Variants in TSPEAR observed in about 807,000 individuals in gnomAD.
TSPEAR encodes the protein thrombospondin-type laminin G domain and EAR repeat-containing protein.
In TSPEAR, 69 loss-of-function variants were observed where a neutral mutation model predicts 71.6. The observed-to-expected ratio is 0.96, with a 90% CI of 0.79 to 1.18. The LOEUF is 1.18. Among genes scored for constraint, TSPEAR ranks in the 50% most tolerant of loss-of-function variants. The probability of loss-of-function intolerance (pLI) is 0.00; values close to 1 mark genes in which losing one functional copy is unlikely to be tolerated. For missense variants in TSPEAR, 971 were observed against 894.9 expected (o/e 1.09, Z -1.09); for synonymous variants, 402 against 387.2 (o/e 1.04, Z -0.45).
intron 9 of TSPEAR, chr21:44,510,636 C>A (rs376147544): frequency 6.6e-6 from 1 of 152,292 alleles, no homozygotes; most frequent in Non-Finnish European, 1.5e-5. Context: ...ACTCTGGGCC[C>A]AACGTCAACG....
At chr21:44,590,570 G>A (rs868929756) in intron 1 of TSPEAR, among the ~76,000 whole-genome samples, 1 of 152,154 alleles carries the variant, frequency 6.6e-6, no homozygotes, top group Non-Finnish European at 1.5e-5. Context: ...TGCTGGGCTC[G>A]AGTCCTGGGG....
intron 1 of TSPEAR, chr21:44,658,333 A>T: frequency 3.4e-6 from 5 of 1,488,728 alleles, no homozygotes; most frequent in Non-Finnish European, 4.6e-6. Context: ...CATCTGGTGG[A>T]CCCCCAGATT....
intron 8 of TSPEAR, 93 bp downstream of exon 8, chr21:44,525,560 G>C (rs1410542783): frequency 4.5e-6 from 6 of 1,333,236 alleles, no homozygotes; most frequent in African/African-American, 1.5e-5. Context: ...GTGGCTTATT[G>C]TTTTCTAATA....
chr21:44,633,322 T>C (rs868952776), intron 1 of TSPEAR, among the ~76,000 whole-genome samples: 3 of 152,204 alleles, frequency 2.0e-5, no homozygotes, highest in African/African-American at 7.2e-5. Context: ...TGAAGTTAGA[T>C]TACTGAATTG....
chr21:44,662,764 G>A (rs1555943943), intron 1 of TSPEAR, among the ~76,000 whole-genome samples: 2 of 152,154 alleles, frequency 1.3e-5, no homozygotes, highest in Non-Finnish European at 2.9e-5. Flanking sequence ...TACAATGTAT[G>A]TTCTCTGACC....
intron 1 of TSPEAR, among the ~76,000 whole-genome samples, chr21:44,582,325 C>A (rs1375756243): frequency 6.6e-6 from 1 of 152,230 alleles, no homozygotes; most frequent in Non-Finnish European, 1.5e-5. Flanking sequence ...CACTCCTTTC[C>A]CTCACGGCCA....
intron 1 of TSPEAR, among the ~76,000 whole-genome samples, chr21:44,636,657 A>G (rs1057110348): frequency 1.1e-4 from 17 of 151,454 alleles, no homozygotes; most frequent in African/African-American, 4.1e-4. Flanking sequence ...TCTCCACGCA[A>G]CCCTCACTCC....
At position 44,681,890 on chromosome 21, in the gene TSPEAR, A is replaced by G. The variant is rs370089051; in HGVS notation, c.82+29543T>C. 5.3e-5 allele frequency: 85 copies of G among 1,614,014 alleles called. No homozygotes were observed. The Admixed American group carries it at 5.5e-4, about 10-fold the overall frequency. ...GTCTGCAGAGGACGCTGGTGCAGGA[A>G]GGCTGGCAGCACCCAGAGGACTGGC... On this transcript the variant is annotated intron_variant, in intron 1 of 11. Transcript: ENST00000323084.
intron 1 of TSPEAR, chr21:44,690,416 G>A: frequency 3.1e-6 from 1 of 325,176 alleles, no homozygotes; most frequent in Non-Finnish European, 4.4e-6. Context: ...TAACATCAAA[G>A]ATAACAAGTG....
Position 44,502,538 on chromosome 21 carries a change from T to C in TSPEAR, c.1856+2242A>G, listed in dbSNP as rs148039634. 1.7e-3 allele frequency among the ~76,000 whole-genome samples: 264 copies of C among 152,294 alleles called. 2 individuals are homozygous for C. The highest frequency in any genetic ancestry group is 5.7e-3 in the African/African-American group (235 of 41,554). ...TACTTGGAAAACTCCTGGAAATAAA[T>C]GAGAACACCACAGTGTCTATGAGAG... On this transcript the variant is annotated intron_variant, in intron 11 of 11. Coordinates refer to ENST00000323084, the MANE Select transcript of TSPEAR (RefSeq NM_144991.3).
At chr21:44,657,210 T>C (rs762016524) in intron 1 of TSPEAR, among the ~76,000 whole-genome samples, 13 of 152,234 alleles carry the variant, frequency 8.5e-5, no homozygotes, top group Non-Finnish European at 1.6e-4. Flanking sequence ...TTTCATGCAT[T>C]CATTTCTTCC....
At chr21:44,697,721 T>C in intron 1 of TSPEAR, 1 of 1,614,160 alleles carries the variant, frequency 6.2e-7, no homozygotes, top group Non-Finnish European at 8.5e-7. Flanking sequence ...CTCTCTGTGC[T>C]GCCAGCAGTC....
rs1365127416 is a variant in TSPEAR, at chr21:44,613,054, C to T, written c.83-45049G>A. The T allele has an allele frequency of 7.4e-6, 7 of 951,852 alleles. No homozygotes were observed. The African/African-American group carries it at 8.2e-5, about 11-fold the overall frequency. 59.0% of individuals were successfully genotyped at this position (951,852 alleles called of 1,614,324 possible). A position where few individuals can be genotyped will look rare whatever the true frequency, so the allele number is the denominator to read the frequency against. ...CTCCCAGGAGCCTCCATCCTCACTG[C>T]TCCCCAGCTCTTGCCTTCCAGCAGG... is the stretch of plus-strand genomic sequence containing the variant. On this transcript the variant is annotated intron_variant, in intron 1 of 11. Transcript: ENST00000323084.
chr21:44,539,710 G>A (rs1555916902), intron 2 of TSPEAR: 1 of 1,595,464 alleles, frequency 6.3e-7, no homozygotes, highest in Admixed American at 1.7e-5. Context: ...ACACAGGCTT[G>A]CAGCAAACAG....
At chr21:44,556,368 C>T (rs1167918656) in intron 2 of TSPEAR, among the ~76,000 whole-genome samples, 1 of 150,516 alleles carries the variant, frequency 6.6e-6, no homozygotes, top group Admixed American at 6.6e-5. Context: ...GAGTGATACC[C>T]GCTCTCAAAA....
intron 1 of TSPEAR, among the ~76,000 whole-genome samples, chr21:44,589,661 C>CA (rs1361740059): frequency 6.6e-6 from 1 of 152,194 alleles, no homozygotes; most frequent in Non-Finnish European, 1.5e-5. Context: ...ACCCCCCCAC[C>CA]AGGAGATGTC....
chr21:44,633,939 A>G (rs1601510588), intron 1 of TSPEAR, among the ~76,000 whole-genome samples: 1 of 152,002 alleles, frequency 6.6e-6, no homozygotes, highest in African/African-American at 2.4e-5. Flanking sequence ...ATGAATGTTT[A>G]TAACTGATGT....
intron 1 of TSPEAR, chr21:44,676,229 C>A: frequency 8.3e-6 from 11 of 1,332,096 alleles, no homozygotes; most frequent in Non-Finnish European, 1.2e-5. Context: ...AGTTTTTGAA[C>A]AGCATAAAAG....
chr21:44,539,175 C>T, intron 2 of TSPEAR: 1 of 1,448,842 alleles, frequency 6.9e-7, no homozygotes, highest in Non-Finnish European at 9.1e-7. Context: ...GGGGTCACCT[C>T]AGCACAGGGG....
Sources: gnomAD v4.1 joint callset for allele counts (sites outside exome capture counted in the v4.1 genomes callset) on GRCh38, gnomAD v4.1.1 for gene constraint, MANE v1.5 for transcripts, NCBI Gene and HGNC (gene_info 2026-07-23, HGNC 2026-07-21) for gene names.